CAPZA2: variants seen among roughly 807,000 people sequenced by gnomAD.
CAPZA2 encodes the protein F-actin-capping protein subunit alpha-2.
In CAPZA2, 13 loss-of-function variants were observed where a neutral mutation model predicts 44.0. The ratio of observed to expected loss-of-function variants is 0.30; its 90% CI spans 0.19 to 0.47. The LOEUF (loss-of-function observed/expected upper bound fraction) is 0.47, where lower values mean the gene tolerates loss of function less well. Among genes scored for constraint, CAPZA2 ranks in the 20% least tolerant of loss-of-function variants. The pLI, the probability that CAPZA2 is intolerant of heterozygous loss-of-function variation, is 1.00. For synonymous variants in CAPZA2, 94 were observed against 108.2 expected (o/e 0.87, Z 0.81); for missense variants, 244 against 338.6 (o/e 0.72, Z 2.19).
intron 3 of CAPZA2, among the ~76,000 whole-genome samples, chr7:116,893,618 T>C (rs933908447): frequency 6.6e-6 from 1 of 152,230 alleles, no homozygotes; most frequent in African/African-American, 2.4e-5. Context: ...CAGTTAATAC[T>C]GTATTTTGGC....
chr7:116,911,870 A>G (rs1165962624), intron 7 of CAPZA2, among the ~76,000 whole-genome samples, 199 bp from the exon 8 acceptor site: 1 of 151,834 alleles, frequency 6.6e-6, no homozygotes, highest in African/African-American at 2.4e-5. Flanking sequence ...CTGAATAACT[A>G]CAGGAATATC....
intron 2 of CAPZA2, among the ~76,000 whole-genome samples, chr7:116,890,250 T>G (rs1036958830): frequency 1.3e-5 from 2 of 152,008 alleles, no homozygotes; most frequent in African/African-American, 4.8e-5. Flanking sequence ...ATATTCTCTG[T>G]TGAGTTGTAG....
intron 8 of CAPZA2, 182 bp from the exon 9 acceptor site, chr7:116,915,876 CTT>C (rs1161100182): frequency 2.4e-6 from 1 of 409,470 alleles, no homozygotes; most frequent in African/African-American, 2.1e-5. Flanking sequence ...ATTCTGTAGA[CTT>C]TTAAAATAAT....
chr7:116,876,940 G>A (rs1262326026), intron 1 of CAPZA2, among the ~76,000 whole-genome samples: 2 of 152,214 alleles, frequency 1.3e-5, no homozygotes, highest in Admixed American at 6.5e-5. Flanking sequence ...AGTGATCCCT[G>A]GTTCTCAGGA....
intron 1 of CAPZA2, among the ~76,000 whole-genome samples, chr7:116,884,678 A>G (rs1051201166): frequency 2.6e-5 from 4 of 152,152 alleles, no homozygotes; most frequent in African/African-American, 7.2e-5. Context: ...ATTTATGGAC[A>G]TTTGGGTGGT....
chr7:116,862,713 C>G, intron 1 of CAPZA2, 63 bp downstream of exon 1: 1 of 1,487,752 alleles, frequency 6.7e-7, no homozygotes, highest in Non-Finnish European at 9.0e-7. Flanking sequence ...GCGGGTGGGC[C>G]CGGAGTCTGG....
chr7:116,898,356 T>TTC (rs1281526783), intron 3 of CAPZA2, among the ~76,000 whole-genome samples: 1 of 152,172 alleles, frequency 6.6e-6, no homozygotes, highest in African/African-American at 2.4e-5. Context: ...TTTATCCATT[T>TTC]TCTCTTTTAT....
At chr7:116,863,221 C>CT (rs1204558531) in intron 1 of CAPZA2, among the ~76,000 whole-genome samples, 1 of 151,910 alleles carries the variant, frequency 6.6e-6, no homozygotes, top group Admixed American at 6.5e-5. Context: ...TTTTTTTTCC[C>CT]TTTCCCCATG....
chr7:116,885,031 T>C (rs1796744426), intron 1 of CAPZA2, among the ~76,000 whole-genome samples: 1 of 152,258 alleles, frequency 6.6e-6, no homozygotes, highest in Non-Finnish European at 1.5e-5. Context: ...ATCTGTCTTA[T>C]ATATACTCTT....
At chr7:116,896,833 A>G (rs191263359) in intron 3 of CAPZA2, among the ~76,000 whole-genome samples, 10 of 152,226 alleles carry the variant, frequency 6.6e-5, no homozygotes, top group Admixed American at 2.6e-4. Context: ...AGTGAGTTTT[A>G]TGACCTGAAG....
intron 1 of CAPZA2, among the ~76,000 whole-genome samples, chr7:116,869,776 G>A (rs1011714183): frequency 4.0e-4 from 61 of 152,222 alleles, no homozygotes; most frequent in African/African-American, 1.3e-3. Flanking sequence ...GTAATTTAGC[G>A]TTCCAGTTGG....
chr7:116,872,606 A>G (rs1384029047), intron 1 of CAPZA2, among the ~76,000 whole-genome samples: 1 of 152,212 alleles, frequency 6.6e-6, no homozygotes, highest in Non-Finnish European at 1.5e-5. Context: ...GTCATAAACT[A>G]TTTAAATGTC....
At chr7:116,887,989 G>A (rs190072744) in intron 1 of CAPZA2, 138 bp from the exon 2 acceptor site, 82 of 609,430 alleles carry the variant, frequency 1.3e-4, no homozygotes, top group African/African-American at 1.3e-3. Context: ...TAAGGTGATT[G>A]AGTGAAAAAG....
intron 1 of CAPZA2, chr7:116,875,880 C>T (rs2115884613): frequency 6.6e-6 from 1 of 152,254 alleles, no homozygotes; most frequent in Admixed American, 6.5e-5. Flanking sequence ...TATCCCGTAA[C>T]TCAAAGTTCT....
intron 8 of CAPZA2, among the ~76,000 whole-genome samples, chr7:116,915,122 A>G (rs1257704057): frequency 6.6e-6 from 1 of 152,056 alleles, no homozygotes; most frequent in Admixed American, 6.6e-5. Context: ...TACTAAAAAT[A>G]CAAAACCCCA....
intron 8 of CAPZA2, among the ~76,000 whole-genome samples, chr7:116,913,174 A>G (rs1791619571): frequency 6.6e-6 from 1 of 152,168 alleles, no homozygotes; most frequent in South Asian, 2.1e-4. Context: ...TTCTGGATAC[A>G]AGTCCAGTGT....
intron 1 of CAPZA2, among the ~76,000 whole-genome samples, chr7:116,871,865 G>A (rs750288946): frequency 6.6e-6 from 1 of 152,216 alleles, no homozygotes; most frequent in African/African-American, 2.4e-5. Flanking sequence ...AGAGCGCCTA[G>A]CCTGTATTAA....
At chr7:116,862,956 C>T (rs989464969) in intron 1 of CAPZA2, among the ~76,000 whole-genome samples, 1 of 152,102 alleles carries the variant, frequency 6.6e-6, no homozygotes. Context: ...CGGCGGCTGC[C>T]CAGGACCCTC....
At chr7:116,894,910 C>T (rs921879389) in intron 3 of CAPZA2, among the ~76,000 whole-genome samples, 5 of 152,106 alleles carry the variant, frequency 3.3e-5, no homozygotes, top group Non-Finnish European at 5.9e-5. Context: ...CCAATGGACA[C>T]TTGAGTTGCT....
Sources: gnomAD v4.1 joint callset for allele counts (sites outside exome capture counted in the v4.1 genomes callset) on GRCh38, gnomAD v4.1.1 for gene constraint, MANE v1.5 for transcripts, NCBI Gene and HGNC (gene_info 2026-07-23, HGNC 2026-07-21) for gene names.